Variants in AKAP9 observed in about 807,000 individuals in gnomAD.
AKAP9 encodes A-kinase anchor protein 9.
A neutral mutation model predicts 488.5 loss-of-function variants in AKAP9; 311 were observed. The observed-to-expected ratio is 0.64, with a 90% CI of 0.58 to 0.70. The LOEUF (loss-of-function observed/expected upper bound fraction) is 0.70, where lower values mean the gene tolerates loss of function less well. Ranked by LOEUF, AKAP9 falls within the 30% of genes least tolerant of loss-of-function variation. AKAP9 has a pLI of 0.00. For synonymous variants in AKAP9, 1,462 were observed against 1,483.5 expected, an observed-to-expected ratio of 0.99 and a Z score of 0.33; for missense variants, 4,215 against 4,374.5, an observed-to-expected ratio of 0.96 and a Z score of 1.03.
intron 14 of AKAP9, among the ~76,000 whole-genome samples, chr7:92,027,856 G>A (rs922685075): frequency 1.3e-5 from 2 of 152,190 alleles, no homozygotes; most frequent in African/African-American, 4.8e-5. Context: ...AAGAAAAGGG[G>A]GAAATATGGG....
At chr7:92,085,807 T>C in intron 36 of AKAP9, 121 bp downstream of exon 36, 1 of 798,154 alleles carries the variant, frequency 1.3e-6, no homozygotes, top group Non-Finnish European at 1.8e-6. Flanking sequence ...ATATATATTT[T>C]CACACTTGAA....
intron 1 of AKAP9, among the ~76,000 whole-genome samples, chr7:91,961,153 T>A (rs1793683479): frequency 6.6e-6 from 1 of 152,066 alleles, no homozygotes; most frequent in Non-Finnish European, 1.5e-5. Flanking sequence ...GAATTGACAT[T>A]ATAAAAACTT....
chr7:92,100,802 T>C, intron 44 of AKAP9, 54 bp from the exon 45 acceptor site: 1 of 1,597,846 alleles, frequency 6.3e-7, no homozygotes, highest in Non-Finnish European at 8.6e-7. Flanking sequence ...TTTTAATATG[T>C]TTAGCTCAGA....
chr7:92,062,253 TC>T lies in AKAP9; in HGVS notation c.5765-20del. The T allele has an allele frequency of 6.3e-7, 1 of 1,588,710 alleles. No individual in the cohort carries two copies. The highest frequency in any genetic ancestry group is 2.2e-5 in the East Asian group (1 of 44,752). On this transcript the variant is annotated intron_variant, in intron 23 of 49. Coordinates refer to ENST00000356239, the MANE Select transcript of AKAP9 (RefSeq NM_005751.5). ...TTTGAAATGAATAATAGTTCTATTT[TC>T]TGTTAATTTTGTATTATAGGCGTCA...
intron 1 of AKAP9, among the ~76,000 whole-genome samples, chr7:91,969,151 A>G (rs1452612957): frequency 6.6e-6 from 1 of 152,098 alleles, no homozygotes; most frequent in Non-Finnish European, 1.5e-5. Flanking sequence ...CAGCCACTCA[A>G]AGTGCTGGGA....
chr7:92,064,988 A>C (rs1190525885), intron 24 of AKAP9, among the ~76,000 whole-genome samples: 1 of 151,672 alleles, frequency 6.6e-6, no homozygotes, highest in Non-Finnish European at 1.5e-5. Context: ...TATTATTTTC[A>C]GTGACAGGAC....
Position 92,001,296 on chromosome 7 carries a change from T to A in AKAP9, c.1379T>A (p.Met460Lys). 1 of 1,613,900 alleles carries A rather than the reference T, an allele frequency of 6.2e-7. No homozygotes were observed. The highest frequency in any genetic ancestry group is 8.5e-7 in the Non-Finnish European group (1 of 1,179,886). Residue 460 changes from methionine (M) to lysine (K), a missense_variant, in exon 8 of 50, where the codon ATG becomes AAG. Transcript: ENST00000356239. ...QELIRQHMAQ[M>K]EEMKTRHKGE... ...TTAATAAGACAACACATGGCACAGA[T>A]GGAGGAAATGAAAACACGGCATAAG... is the stretch of plus-strand genomic sequence containing the variant.
At position 92,096,823 on chromosome 7, in the gene AKAP9, G is replaced by C. The variant is rs765132925; in HGVS notation, c.9864G>C (p.Leu3288Phe). 2.5e-6 allele frequency: 4 copies of C among 1,614,110 alleles called. No homozygotes were observed. The East Asian group carries it at 8.9e-5, about 36-fold the overall frequency. The stretch of plus-strand genomic sequence containing the variant: ...AGAGAATGCTATATGATGCCCAGTT[G>C]TCAGAAGAACAAGGTCGAAACTTAG... ...ESQRMLYDAQLSEEQGRNLEL... is the reference protein window; with the variant it reads ...ESQRMLYDAQFSEEQGRNLEL... The change falls in exon 41 of 50, where the codon TTG becomes TTC. Residue 3288 changes from leucine to phenylalanine, a missense_variant. Physicochemically the swap from Leu to Phe is conservative, Grantham distance 22. Transcript: ENST00000356239.
At chr7:91,992,101 T>C in intron 3 of AKAP9, 57 bp from the exon 4 acceptor site, 1 of 1,377,854 alleles carries the variant, frequency 7.3e-7, no homozygotes, top group Non-Finnish European at 1.0e-6. Context: ...GAAATATTGT[T>C]AGCTAAATAA....
intron 38 of AKAP9, chr7:92,092,241 T>A (rs949336339): frequency 6.6e-6 from 1 of 152,156 alleles, no homozygotes; most frequent in Admixed American, 6.5e-5. Flanking sequence ...GTAGCAAACA[T>A]GTAGTAAGGG....
intron 14 of AKAP9, among the ~76,000 whole-genome samples, chr7:92,025,657 C>T (rs973481433): frequency 2.0e-5 from 3 of 152,252 alleles, no homozygotes; most frequent in East Asian, 3.9e-4. Flanking sequence ...TTTAGTCAGA[C>T]GGATCTGCAT....
chr7:92,100,469 C>T (rs539060895), intron 44 of AKAP9, among the ~76,000 whole-genome samples: 1 of 152,140 alleles, frequency 6.6e-6, no homozygotes, highest in Non-Finnish European at 1.5e-5. Context: ...ATTTACGTGC[C>T]TTTTATAGAA....
At chr7:91,998,644 A>G (rs1798731701) in intron 7 of AKAP9, among the ~76,000 whole-genome samples, 1 of 151,790 alleles carries the variant, frequency 6.6e-6, no homozygotes, top group African/African-American at 2.4e-5. Context: ...ACTCCCCTAT[A>G]TAAATCAGGA....
chr7:92,056,501 A>T (rs1808806427), intron 22 of AKAP9, among the ~76,000 whole-genome samples: 1 of 151,494 alleles, frequency 6.6e-6, no homozygotes, highest in African/African-American at 2.4e-5. Context: ...ATAGGTGTTT[A>T]TTAGGGTTTC....
At chr7:91,982,405 A>G (rs1390600966) in intron 3 of AKAP9, among the ~76,000 whole-genome samples, 2 of 151,748 alleles carry the variant, frequency 1.3e-5, no homozygotes, top group African/African-American at 4.8e-5. Flanking sequence ...AGTGTTCTCA[A>G]TGTTCAATTC....
chr7:91,951,764 A>G (rs926907461), intron 1 of AKAP9, among the ~76,000 whole-genome samples: 1 of 152,146 alleles, frequency 6.6e-6, no homozygotes, highest in African/African-American at 2.4e-5. Flanking sequence ...TATTCTATAT[A>G]CTCATAACCA....
At chr7:91,973,056 T>C (rs1245669162) in intron 1 of AKAP9, among the ~76,000 whole-genome samples, 1 of 152,172 alleles carries the variant, frequency 6.6e-6, no homozygotes, top group Non-Finnish European at 1.5e-5. Flanking sequence ...TGCATGTGTG[T>C]ATGTGTGTGT....
intron 8 of AKAP9, among the ~76,000 whole-genome samples, chr7:92,003,970 C>T (rs530927096): frequency 3.9e-5 from 6 of 152,042 alleles, no homozygotes; most frequent in South Asian, 2.1e-4. Context: ...TTGGCAAGTA[C>T]GAATATAGTG....
At chr7:91,972,479 C>T (rs916658663) in intron 1 of AKAP9, among the ~76,000 whole-genome samples, 1 of 152,132 alleles carries the variant, frequency 6.6e-6, no homozygotes, top group Admixed American at 6.5e-5. Context: ...TGGTGATGGG[C>T]AGATTAGGAG....
Sources: allele counts gnomAD v4.1 joint callset (sites outside exome capture counted in the v4.1 genomes callset), GRCh38; gene constraint gnomAD v4.1.1; transcripts MANE v1.5; gene names NCBI Gene and HGNC (gene_info 2026-07-23, HGNC 2026-07-21).